PPP3R1: variants seen among roughly 807,000 people sequenced by gnomAD.
PPP3R1 encodes calcineurin subunit B type 1.
In PPP3R1, 5 loss-of-function variants were observed where a neutral mutation model predicts 22.6. The ratio of observed to expected loss-of-function variants is 0.22; its 90% confidence interval spans 0.12 to 0.46. The LOEUF is 0.46. Among genes scored for constraint, PPP3R1 ranks in the 20% least tolerant of loss-of-function variants. The pLI is 0.99. For synonymous variants in PPP3R1, 56 were observed against 65.2 expected (o/e 0.86, Z 0.68); for missense variants, 61 against 203.2 (o/e 0.30, Z 4.25).
At chr2:68,210,179 A>C (rs1669452120) in intron 2 of PPP3R1, among the ~76,000 whole-genome samples, 1 of 152,182 alleles carries the variant, frequency 6.6e-6, no homozygotes, top group Non-Finnish European at 1.5e-5. Flanking sequence ...TCATATCTTA[A>C]TCTATTGGCC....
At chr2:68,197,212 T>C (rs1319869284) in intron 2 of PPP3R1, among the ~76,000 whole-genome samples, 1 of 152,160 alleles carries the variant, frequency 6.6e-6, no homozygotes, top group African/African-American at 2.4e-5. Context: ...CAATCACCCT[T>C]TTCTTACCAC....
At chr2:68,204,061 T>C (rs1218795562) in intron 2 of PPP3R1, among the ~76,000 whole-genome samples, 1 of 152,218 alleles carries the variant, frequency 6.6e-6, no homozygotes. Context: ...ATTAGCTGAA[T>C]CTGATTTTCC....
intron 2 of PPP3R1, among the ~76,000 whole-genome samples, chr2:68,216,642 CAGATAAA>C (rs1669585267): frequency 1.3e-5 from 2 of 152,184 alleles, no homozygotes; most frequent in South Asian, 4.2e-4. Context: ...TGGGCCAAGG[CAGATAAA>C]AGCACTGCCG....
At chr2:68,221,494 T>TAAAC (rs1297057847) in intron 1 of PPP3R1, among the ~76,000 whole-genome samples, 44 of 150,896 alleles carry the variant, frequency 2.9e-4, no homozygotes, top group African/African-American at 1.0e-3. Flanking sequence ...CAAGACTTTG[T>TAAAC]AAATAAATAA....
At chr2:68,184,654 G>C (rs1674496739) in intron 5 of PPP3R1, among the ~76,000 whole-genome samples, 1 of 152,140 alleles carries the variant, frequency 6.6e-6, no homozygotes, top group African/African-American at 2.4e-5. Context: ...AGCTTGAGAA[G>C]TCAACATAAA....
intron 2 of PPP3R1, among the ~76,000 whole-genome samples, chr2:68,216,710 G>C (rs1486096191): frequency 1.3e-5 from 2 of 152,134 alleles, no homozygotes; most frequent in Non-Finnish European, 2.9e-5. Flanking sequence ...ATAAGCATTA[G>C]AGATGGTGGC....
chr2:68,241,619 T>A (rs528866634), intron 1 of PPP3R1, among the ~76,000 whole-genome samples: 1 of 152,092 alleles, frequency 6.6e-6, no homozygotes, highest in Non-Finnish European at 1.5e-5. Context: ...GAGGCCAAGG[T>A]GGGCGGATCA....
intron 1 of PPP3R1, among the ~76,000 whole-genome samples, chr2:68,239,485 A>G (rs1670077707): frequency 6.6e-6 from 1 of 152,208 alleles, no homozygotes; most frequent in Non-Finnish European, 1.5e-5. Context: ...ACAGAGAATA[A>G]TGAAGCATCA....
At chr2:68,229,776 T>C (rs934467840) in intron 1 of PPP3R1, among the ~76,000 whole-genome samples, 1 of 152,084 alleles carries the variant, frequency 6.6e-6, no homozygotes, top group Non-Finnish European at 1.5e-5. Context: ...CATGCCTATA[T>C]TGTTACATTT....
intron 1 of PPP3R1, among the ~76,000 whole-genome samples, chr2:68,246,694 T>C (rs1670243226): frequency 6.6e-6 from 1 of 152,168 alleles, no homozygotes; most frequent in Non-Finnish European, 1.5e-5. Context: ...GGCTATTCAA[T>C]GACAAACTTC....
At chr2:68,248,339 A>T (rs1342460606) in intron 1 of PPP3R1, among the ~76,000 whole-genome samples, 2 of 152,226 alleles carry the variant, frequency 1.3e-5, no homozygotes, top group Non-Finnish European at 2.9e-5. Context: ...TTAGTCTGTT[A>T]ATAGCACATA....
At chr2:68,182,882 C>T (rs1425487691) in intron 5 of PPP3R1, among the ~76,000 whole-genome samples, 3 of 152,028 alleles carry the variant, frequency 2.0e-5, no homozygotes, top group African/African-American at 7.2e-5. Context: ...ATAATTCAAC[C>T]CCTAACTTTT....
intron 2 of PPP3R1, among the ~76,000 whole-genome samples, chr2:68,193,887 G>A (rs980962050): frequency 6.6e-6 from 1 of 151,972 alleles, no homozygotes; most frequent in Non-Finnish European, 1.5e-5. Flanking sequence ...AACTTTTGGC[G>A]CCAATTTTCA....
chr2:68,207,559 G>A (rs1274908603), intron 2 of PPP3R1, among the ~76,000 whole-genome samples: 1 of 152,068 alleles, frequency 6.6e-6, no homozygotes, highest in Non-Finnish European at 1.5e-5. Context: ...ATTTTTCTCT[G>A]GCCCTCAGTC....
chr2:68,193,105 A>G (rs909473534), intron 2 of PPP3R1, among the ~76,000 whole-genome samples: 2 of 152,200 alleles, frequency 1.3e-5, no homozygotes, highest in Non-Finnish European at 2.9e-5. Context: ...CTTGTGAAAC[A>G]TTATAAAGTA....
At chr2:68,206,104 C>T (rs1290639332) in intron 2 of PPP3R1, among the ~76,000 whole-genome samples, 1 of 152,178 alleles carries the variant, frequency 6.6e-6, no homozygotes, top group Admixed American at 6.5e-5. Context: ...AGGCGTGAGC[C>T]ACCGCGCCCG....
intron 5 of PPP3R1, 79 bp downstream of exon 5, chr2:68,186,389 T>C: frequency 2.2e-6 from 3 of 1,365,406 alleles, no homozygotes; most frequent in East Asian, 2.4e-5. Flanking sequence ...GGACAAAATA[T>C]GGAAATTCTC....
chr2:68,223,813 A>AC (rs1669732062), intron 1 of PPP3R1, among the ~76,000 whole-genome samples: 2 of 152,034 alleles, frequency 1.3e-5, no homozygotes. Context: ...AGACAAAAAA[A>AC]AAAAAAAACA....
At chr2:68,183,438 A>AT (rs1205909142) in intron 5 of PPP3R1, among the ~76,000 whole-genome samples, 1 of 152,160 alleles carries the variant, frequency 6.6e-6, no homozygotes. Context: ...GGTCCAGATT[A>AT]TTTTTACAGA....
Sources: gnomAD v4.1 joint callset for allele counts (sites outside exome capture counted in the v4.1 genomes callset) on GRCh38, gnomAD v4.1.1 for gene constraint, MANE v1.5 for transcripts, NCBI Gene and HGNC (gene_info 2026-07-23, HGNC 2026-07-21) for gene names.